Variants in RILPL2 observed in about 807,000 individuals in gnomAD.
The protein encoded by RILPL2 is RILP-like protein 2.
RILPL2 carries 19 observed loss-of-function variants against 22.2 expected under a neutral mutation model. That is an observed-to-expected ratio of 0.86 (90% CI 0.60 to 1.25). The LOEUF is 1.25. RILPL2 is among the 50% of genes most tolerant of loss of function. The pLI is 0.00. For missense variants in RILPL2, 243 were observed against 263.6 expected (o/e 0.92, Z 0.54); for synonymous variants, 123 against 111.6 (o/e 1.10, Z -0.64).
intron 2 of RILPL2, among the ~76,000 whole-genome samples, chr12:123,428,265 T>C (rs1170331016): frequency 6.6e-6 from 1 of 152,108 alleles, no homozygotes; most frequent in Non-Finnish European, 1.5e-5. Context: ...GCCTCCCAAG[T>C]AGCTGGGACT....
rs759041135 is a variant in RILPL2 at position 123,415,813 on chromosome 12, C to T, written c.*78G>A. On this transcript the variant is annotated 3_prime_UTR_variant, in exon 4 of 4. Coordinates refer to ENST00000280571, the MANE Select transcript of RILPL2 (RefSeq NM_145058.3). ...ACAGGCCTAGTGTGTCTGTGTGGCA[C>T]AGGGAGGTGGTTTTGCCAGGCATCT... is the stretch of plus-strand genomic sequence containing the variant. 2.0e-5 allele frequency: 27 copies of T among 1,372,088 alleles called. No homozygotes were observed. Among genetic ancestry groups the T allele is most frequent in the Non-Finnish European group, 2.8e-5 (27 of 959,214 alleles). 85.0% of individuals were successfully genotyped at this position (1,372,088 alleles called of 1,614,324 possible).
At chr12:123,428,229 C>T (rs1031018783) in intron 2 of RILPL2, among the ~76,000 whole-genome samples, 4 of 152,110 alleles carry the variant, frequency 2.6e-5, no homozygotes, top group African/African-American at 9.7e-5. Flanking sequence ...CTCCACCTCC[C>T]AGGTTCACAC....
intron 1 of RILPL2, among the ~76,000 whole-genome samples, chr12:123,431,599 G>A (rs1037258689): frequency 1.3e-5 from 2 of 151,978 alleles, no homozygotes; most frequent in African/African-American, 2.4e-5. Flanking sequence ...CGAGGCGGGC[G>A]GATCACCAGG....
intron 3 of RILPL2, among the ~76,000 whole-genome samples, chr12:123,417,655 G>A (rs1198703213): frequency 1.3e-5 from 2 of 152,136 alleles, no homozygotes; most frequent in Non-Finnish European, 2.9e-5. Flanking sequence ...CACGATCTCG[G>A]CTCACGGCAA....
At chr12:123,428,926 T>C (rs1033928915) in intron 2 of RILPL2, among the ~76,000 whole-genome samples, 1 of 152,138 alleles carries the variant, frequency 6.6e-6, no homozygotes, top group African/African-American at 2.4e-5. Context: ...CCTCTACCTA[T>C]AAGAAAACAT....
downstream of RILPL2, chr12:123,411,089 C>T (rs1380331986): frequency 6.6e-6 from 1 of 151,720 alleles, no homozygotes; most frequent in Non-Finnish European, 1.5e-5. Context: ...GTCGCCCAGG[C>T]TGGAGTGCAG....
chr12:123,430,363 C>G (rs537366509), intron 2 of RILPL2, 145 bp downstream of exon 2: 19 of 615,102 alleles, frequency 3.1e-5, no homozygotes, highest in African/African-American at 3.9e-5. Flanking sequence ...GAGCCGAGAT[C>G]GCGCCACTGC....
At chr12:123,428,522 A>G (rs1879508173) in intron 2 of RILPL2, among the ~76,000 whole-genome samples, 1 of 152,224 alleles carries the variant, frequency 6.6e-6, no homozygotes. Flanking sequence ...GTGGGTTCTT[A>G]CAACGCTTCT....
At position 123,430,398 on chromosome 12, in the gene RILPL2, G is replaced by A. The variant is rs112185720; in HGVS notation, c.491+110C>T. 63 of 1,124,486 alleles carry A rather than the reference G, an allele frequency of 5.6e-5. 4 individuals are homozygous for A. The African/African-American group carries it at 7.1e-4, about 13-fold the overall frequency. The allele number at this position is 1,124,486 out of a possible 1,614,324, so 69.7% of individuals were successfully genotyped here. A position where few individuals can be genotyped will look rare whatever the true frequency, so the allele number is the denominator to read the frequency against. On this transcript the variant is annotated intron_variant, in intron 2 of 3. Coordinates refer to ENST00000280571, the MANE Select transcript of RILPL2 (RefSeq NM_145058.3). ...CACTCCAGCCTGGGCGACAGAGCGAGACTCTGTCTCAAAAAAACAAAAACA... is the reference window on the plus strand; with the variant it reads ...CACTCCAGCCTGGGCGACAGAGCGAAACTCTGTCTCAAAAAAACAAAAACA...
At chr12:123,435,705 C>G (rs941994315) in intron 1 of RILPL2, among the ~76,000 whole-genome samples, 6 of 152,162 alleles carry the variant, frequency 3.9e-5, no homozygotes, top group African/African-American at 9.7e-5. Flanking sequence ...CACCACTGCA[C>G]TCTAGCCTGG....
At chr12:123,426,663 C>T (rs977133289) in intron 2 of RILPL2, among the ~76,000 whole-genome samples, 5 of 150,300 alleles carry the variant, frequency 3.3e-5, no homozygotes, top group Admixed American at 6.6e-5. Flanking sequence ...TGCAGTGGCG[C>T]GATCTCGGCT....
At chr12:123,417,930 C>G (rs536082446) in intron 3 of RILPL2, among the ~76,000 whole-genome samples, 1 of 151,570 alleles carries the variant, frequency 6.6e-6, no homozygotes, top group South Asian at 2.1e-4. Flanking sequence ...CTTACTGTCC[C>G]GTCTACCAGG....
intron 2 of RILPL2, among the ~76,000 whole-genome samples, chr12:123,429,210 G>A (rs1239969135): frequency 6.6e-6 from 1 of 151,892 alleles, no homozygotes; most frequent in Non-Finnish European, 1.5e-5. Context: ...GGCTGGCCTT[G>A]AATCCCTGGG....
intron 2 of RILPL2, among the ~76,000 whole-genome samples, chr12:123,424,214 A>T (rs981474777): frequency 1.2e-4 from 19 of 152,210 alleles, no homozygotes; most frequent in Admixed American, 1.3e-4. Flanking sequence ...CTCTGAACAA[A>T]ATAGACAAAA....
At chr12:123,427,167 G>A (rs935790839) in intron 2 of RILPL2, among the ~76,000 whole-genome samples, 5 of 152,140 alleles carry the variant, frequency 3.3e-5, no homozygotes, top group African/African-American at 7.2e-5. Flanking sequence ...ACTTGGCTGC[G>A]TTCAGTGGGC....
intron 3 of RILPL2, among the ~76,000 whole-genome samples, chr12:123,419,015 C>CTT (rs763557672): frequency 8.1e-6 from 1 of 123,872 alleles, no homozygotes; most frequent in Non-Finnish European, 1.7e-5. Flanking sequence ...CTGCGCCCGG[C>CTT]TTTTTTTTTT....
intron 1 of RILPL2, among the ~76,000 whole-genome samples, chr12:123,433,744 T>G (rs1053034052): frequency 6.6e-6 from 1 of 152,128 alleles, no homozygotes; most frequent in Non-Finnish European, 1.5e-5. Flanking sequence ...GTTCTAGGAC[T>G]GTGTGTCTGA....
At chr12:123,417,256 G>A (rs532409085) in intron 3 of RILPL2, among the ~76,000 whole-genome samples, 3 of 150,620 alleles carry the variant, frequency 2.0e-5, no homozygotes, top group Non-Finnish European at 4.4e-5. Context: ...CTGAGATCAA[G>A]CTACCGCACA....
chr12:123,414,899 CCA>C (rs1466256841), downstream of RILPL2: 1 of 136,352 alleles, frequency 7.3e-6, no homozygotes, highest in African/African-American at 2.7e-5. Flanking sequence ...CCACTGCACT[CCA>C]GACTGTGCGA....
Sources: allele counts gnomAD v4.1 joint callset (sites outside exome capture counted in the v4.1 genomes callset), GRCh38; gene constraint gnomAD v4.1.1; transcripts MANE v1.5; gene names NCBI Gene and HGNC (gene_info 2026-07-23, HGNC 2026-07-21).